ITGB3BP: variants seen among roughly 807,000 people sequenced by gnomAD.
The protein encoded by ITGB3BP is centromere protein R.
In ITGB3BP, 27 loss-of-function variants were observed where a neutral mutation model predicts 29.1. That is an observed-to-expected ratio of 0.93 (90% CI 0.68 to 1.28). The LOEUF is 1.28. ITGB3BP is among the 50% of genes most tolerant of loss of function. The pLI is 0.00. For synonymous variants in ITGB3BP, 61 were observed against 61.4 expected (o/e 0.99, Z 0.03); for missense variants, 192 against 200.2 (o/e 0.96, Z 0.25).
At chr1:63,510,448 A>T (rs369072993) in intron 1 of ITGB3BP, among the ~76,000 whole-genome samples, 3 of 152,338 alleles carry the variant, frequency 2.0e-5, no homozygotes, top group Admixed American at 6.5e-5. Flanking sequence ...ATACGTAAAA[A>T]ATAGTAAACA....
chr1:63,473,038 C>G (rs1570184509), intron 4 of ITGB3BP, among the ~76,000 whole-genome samples: 1 of 152,038 alleles, frequency 6.6e-6, no homozygotes, highest in East Asian at 2.0e-4. Context: ...AGGAGCGCCT[C>G]TTCCCCACCG....
At chr1:63,447,032 C>T in intron 7 of ITGB3BP, 176 bp from the exon 8 acceptor site, 2 of 567,574 alleles carry the variant, frequency 3.5e-6, no homozygotes, top group East Asian at 2.9e-5. Context: ...TATAGTTAGC[C>T]TGATTCTATT....
rs183595564 is a variant in ITGB3BP at position 63,512,407 on chromosome 1, A to G, written c.6-3837T>C. 5.4e-3 allele frequency among the ~76,000 whole-genome samples: 828 copies of G among 152,192 alleles called. 6 individuals are homozygous for G. The highest frequency in any genetic ancestry group is 0.018 in the African/African-American group (747 of 41,530). Reference sequence around the variant, plus strand: ...CAGTATTAAAGAAATTATTCTAGGAAAAAAAAACCCTATCATTTGATTCCT... The same window carrying G: ...CAGTATTAAAGAAATTATTCTAGGAGAAAAAAACCCTATCATTTGATTCCT... On this transcript the variant is annotated intron_variant, in intron 1 of 8. Transcript: ENST00000271002.
chr1:63,500,725 T>C (rs569759025), intron 2 of ITGB3BP, among the ~76,000 whole-genome samples: 40 of 152,300 alleles, frequency 2.6e-4, no homozygotes, highest in Non-Finnish European at 4.1e-4. Context: ...ATCTGCAAAT[T>C]TGATGTAATC....
At chr1:63,506,936 T>C (rs1378689335) in intron 2 of ITGB3BP, among the ~76,000 whole-genome samples, 3 of 152,210 alleles carry the variant, frequency 2.0e-5, no homozygotes, top group Non-Finnish European at 2.9e-5. Flanking sequence ...AATGGGGCCA[T>C]AGGCCATGTG....
intron 1 of ITGB3BP, among the ~76,000 whole-genome samples, chr1:63,520,179 A>G (rs1158038089): frequency 6.6e-6 from 1 of 152,048 alleles, no homozygotes; most frequent in Non-Finnish European, 1.5e-5. Flanking sequence ...GTATCTGTCT[A>G]CATAGAATGA....
rs369808427 is a variant in ITGB3BP, at chr1:63,467,056, T to C, written c.254+11708A>G. 1.5e-3 allele frequency among the ~76,000 whole-genome samples: 222 copies of C among 152,122 alleles called. 1 individual carries two copies. The highest frequency in any genetic ancestry group is 5.1e-3 in the African/African-American group (213 of 41,512). On this transcript the variant is annotated intron_variant, in intron 4 of 8. Transcript: ENST00000271002. The stretch of plus-strand genomic sequence containing the variant: ...CACTACCATGCTCGGCTCATTTTTT[T>C]AGTTTTTGTAGAGATGGGGTCTCAT...
intron 7 of ITGB3BP, 36 bp downstream of exon 7, chr1:63,453,882 C>T (rs1360878384): frequency 1.6e-6 from 2 of 1,247,446 alleles, no homozygotes; most frequent in Non-Finnish European, 2.3e-6. Context: ...GGGATGAAAG[C>T]ATCTTTATGT....
intron 4 of ITGB3BP, among the ~76,000 whole-genome samples, chr1:63,455,399 C>T (rs1047454151): frequency 1.4e-4 from 21 of 151,874 alleles, no homozygotes; most frequent in South Asian, 8.3e-4. Flanking sequence ...TGGAAAAATG[C>T]TTCTAGTTTA....
Position 63,454,331 on chromosome 1 carries a change from A to G in ITGB3BP, c.427+49T>C, listed in dbSNP as rs1245059605. 3 of 913,840 alleles carry G rather than the reference A, an allele frequency of 3.3e-6. No individual in the cohort carries two copies. The highest frequency in any genetic ancestry group is 5.3e-6 in the Non-Finnish European group (3 of 569,360). 56.6% of individuals were successfully genotyped at this position (913,840 alleles called of 1,614,324 possible). On this transcript the variant is annotated intron_variant, in intron 6 of 8. Coordinates refer to ENST00000271002, the MANE Select transcript of ITGB3BP (RefSeq NM_014288.5). The surrounding 1 kb of genome is among the most constrained non-coding windows in gnomAD (Gnocchi z 4.1). ...TATCAAATGTAAATGAGACAAATTA[A>G]TAGGTTTATCTTTAAAATTACTGTC...
chr1:63,457,886 C>G (rs1227776950), intron 4 of ITGB3BP: 1 of 152,134 alleles, frequency 6.6e-6, no homozygotes, highest in African/African-American at 2.4e-5. Context: ...CCTAAGAAAT[C>G]TGAAGTCTTG....
At chr1:63,478,184 G>A (rs1452505362) in intron 4 of ITGB3BP, among the ~76,000 whole-genome samples, 2 of 152,046 alleles carry the variant, frequency 1.3e-5, no homozygotes, top group East Asian at 1.9e-4. Flanking sequence ...TTTTTTTCTC[G>A]AAATATTTTC....
In ITGB3BP at chr1:63,443,789, AAG is replaced by A. The variant is rs372245315; in HGVS notation, c.*2-2688_*2-2687del. 3.9e-3 allele frequency among the ~76,000 whole-genome samples: 589 copies of A among 151,488 alleles called. 3 individuals are homozygous for A. Among genetic ancestry groups the A allele is most frequent in the African/African-American group, 0.013 (525 of 40,826 alleles). On this transcript the variant is annotated intron_variant, in intron 8 of 8. Coordinates refer to ENST00000271002, the MANE Select transcript of ITGB3BP (RefSeq NM_014288.5). ...CTGGCAGCGTTTGGATGTGGGGACA[AAG>A]AGAGAGAGAATTTGACCAATGGAAT... is the stretch of plus-strand genomic sequence containing the variant.
At chr1:63,502,636 G>C (rs1645963660) in intron 2 of ITGB3BP, among the ~76,000 whole-genome samples, 1 of 150,944 alleles carries the variant, frequency 6.6e-6, no homozygotes, top group South Asian at 2.1e-4. Context: ...TTAACATTAG[G>C]TATATCTCCT....
chr1:63,455,237 G>A (rs1644916428), intron 4 of ITGB3BP, among the ~76,000 whole-genome samples: 3 of 151,844 alleles, frequency 2.0e-5, no homozygotes, highest in South Asian at 2.1e-4. Context: ...CATTTACCTT[G>A]ATCTGAGTCT....
chr1:63,525,140 G>A (rs1014880699), upstream of ITGB3BP, among the ~76,000 whole-genome samples: 2 of 152,102 alleles, frequency 1.3e-5, no homozygotes, highest in Non-Finnish European at 2.9e-5. Flanking sequence ...TATTGTATAT[G>A]CTTCACATGT....
At chr1:63,517,784 C>T (rs569058910) in intron 1 of ITGB3BP, among the ~76,000 whole-genome samples, 1 of 152,286 alleles carries the variant, frequency 6.6e-6, no homozygotes, top group South Asian at 2.1e-4. Context: ...GCAAGTGACA[C>T]AATCACAGCT....
At chr1:63,472,802 A>G (rs61766977) in intron 4 of ITGB3BP, among the ~76,000 whole-genome samples, 23,342 of 151,628 alleles carry the variant, frequency 0.15, 2,372 homozygotes, top group Non-Finnish European at 0.22. Flanking sequence ...GCTGGAGTGC[A>G]GTGGCGTGAT....
intron 1 of ITGB3BP, among the ~76,000 whole-genome samples, chr1:63,518,549 C>G (rs899571242): frequency 3.3e-5 from 5 of 150,344 alleles, no homozygotes; most frequent in South Asian, 4.2e-4. Context: ...GGTTTCTCTC[C>G]TGTTAGACTG....
Sources: allele counts gnomAD v4.1 joint callset (sites outside exome capture counted in the v4.1 genomes callset), GRCh38; gene constraint gnomAD v4.1.1; non-coding constraint Gnocchi (gnomAD v3.1); transcripts MANE v1.5; gene names NCBI Gene and HGNC (gene_info 2026-07-23, HGNC 2026-07-21).